The following BLOC1S2 variants were observed in gnomAD, a reference collection of about 807,000 sequenced individuals.
The protein encoded by BLOC1S2 is biogenesis of lysosomal organelles complex 1 subunit 2, also known as biogenesis of lysosome-related organelles complex 1 subunit 2.
A neutral mutation model predicts 19.6 loss-of-function variants in BLOC1S2; 12 were observed. That is an observed-to-expected ratio of 0.61 (90% CI 0.39 to 0.99). The LOEUF is 0.99. Ranked by LOEUF, BLOC1S2 falls within the 50% of genes least tolerant of loss-of-function variation. The pLI, the probability that BLOC1S2 is intolerant of heterozygous loss-of-function variation, is 0.00. For missense variants in BLOC1S2, 142 were observed against 171.0 expected, an observed-to-expected ratio of 0.83 and a Z score of 0.95; for synonymous variants, 66 against 64.1, an observed-to-expected ratio of 1.03 and a Z score of -0.14.
Position 100,275,103 on chromosome 10 carries a change from C to T in BLOC1S2, c.*359G>A, listed in dbSNP as rs911376755. ...TTTACATAGTAACTAAAAAACCAGC[C>T]ACTTAAGAAAATAATGTAGTAATCA... On this transcript the variant is annotated 3_prime_UTR_variant, in exon 5 of 5. Coordinates refer to ENST00000370372, the MANE Select transcript of BLOC1S2 (RefSeq NM_173809.5). 2 of 400,828 alleles carry T rather than the reference C, an allele frequency of 5.0e-6. No individual in the cohort carries two copies. Among genetic ancestry groups the T allele is most frequent in the Non-Finnish European group, 8.8e-6 (2 of 227,222 alleles). 24.8% of individuals were successfully genotyped at this position (400,828 alleles called of 1,614,324 possible).
At chr10:100,279,995 A>G (rs1440899779) in intron 4 of BLOC1S2, 129 bp downstream of exon 4, 1 of 482,664 alleles carries the variant, frequency 2.1e-6, no homozygotes, top group Non-Finnish European at 3.6e-6. Context: ...ATAATAATAA[A>G]TTACTAAGGT....
At chr10:100,279,506 G>A (rs4917895) in intron 4 of BLOC1S2, among the ~76,000 whole-genome samples, 3,824 of 152,156 alleles carry the variant, frequency 0.025, 71 homozygotes, top group Middle Eastern at 0.054. Context: ...AGGCTGAGGC[G>A]GGCGGATCAC....
At position 100,274,825 on chromosome 10, in the gene BLOC1S2, T is replaced by G. The variant is rs1847812262; in HGVS notation, c.*637A>C. ...CAAACTGATCGCATGTCAATGTGAC[T>G]CACATAGAAAATAAACAAGAGGGGC... On this transcript the variant is annotated 3_prime_UTR_variant, in exon 5 of 5. Transcript: ENST00000370372. The G allele has an allele frequency of 1.5e-5, 6 of 396,892 alleles. No homozygotes were observed. Among genetic ancestry groups the G allele is most frequent in the Non-Finnish European group, 2.7e-5 (6 of 225,568 alleles). 24.6% of individuals were successfully genotyped at this position (396,892 alleles called of 1,614,324 possible). A position where few individuals can be genotyped will look rare whatever the true frequency, so the allele number is the denominator to read the frequency against.
At chr10:100,277,347 G>C (rs796287024) in intron 4 of BLOC1S2, among the ~76,000 whole-genome samples, 1 of 142,080 alleles carries the variant, frequency 7.0e-6, no homozygotes, top group Non-Finnish European at 1.6e-5. Context: ...TCAGCCCCCC[G>C]CCCGGCCAGC....
chr10:100,285,995 A>C, intron 2 of BLOC1S2, 102 bp downstream of exon 2: 1 of 1,472,614 alleles, frequency 6.8e-7, no homozygotes, highest in Non-Finnish European at 9.2e-7. Context: ...GGCCTGTCTC[A>C]GGGCATGCAG....
intron 2 of BLOC1S2, among the ~76,000 whole-genome samples, chr10:100,281,746 T>A (rs113761678): frequency 0.047 from 4,542 of 96,204 alleles, 203 homozygotes; most frequent in African/African-American, 0.15. Context: ...ACACACACAC[T>A]ATCAGCTAGG....
Position 100,286,233 on chromosome 10 carries a change from C to CT in BLOC1S2, c.56-21dup. 6.2e-7 allele frequency: 1 copy of CT among 1,612,046 alleles called. No individual in the cohort carries two copies. The highest frequency in any genetic ancestry group is 8.5e-7 in the Non-Finnish European group (1 of 1,178,934). Reference sequence around the variant, plus strand: ...CATCGTCTGGGCCAAGGGAGAATGACTAAGTGTCCCGCCTACACCCGGTGC... The same window carrying CT: ...CATCGTCTGGGCCAAGGGAGAATGACTTAAGTGTCCCGCCTACACCCGGTGC... On this transcript the variant is annotated intron_variant, in intron 1 of 4. Transcript: ENST00000370372.
rs1195018286 is a variant in BLOC1S2 at position 100,280,928 on chromosome 10, A to G, written c.292+6T>C. On this transcript the variant is annotated splice_donor_region_variant and intron_variant, in intron 3 of 4. Transcript: ENST00000370372. ...AACATGTTTAATTACAAATATTATTACTTACATTTCTGGTTTAAGTCCTTT... is the reference window on the plus strand; with the variant it reads ...AACATGTTTAATTACAAATATTATTGCTTACATTTCTGGTTTAAGTCCTTT... The G allele has an allele frequency of 6.2e-7, 1 of 1,606,052 alleles. No individual in the cohort carries two copies. The highest frequency in any genetic ancestry group is 8.5e-7 in the Non-Finnish European group (1 of 1,177,166).
chr10:100,277,276 C>T (rs1246198166), intron 4 of BLOC1S2, among the ~76,000 whole-genome samples: 2 of 150,950 alleles, frequency 1.3e-5, no homozygotes, highest in Non-Finnish European at 3.0e-5. Context: ...GCTGCCACCC[C>T]GTCTGGGAAG....
chr10:100,286,119 A>C lies in BLOC1S2; in HGVS notation c.150T>G (p.Thr50=). ...LCRDMFSKMA[T]YLTGELTATS... ...CACCCGTCAGTTCCCCAGTCAGGTA[A>C]GTGGCCATTTTGGAGAACATGTCCC... is the stretch of plus-strand genomic sequence containing the variant. Residue 50 remains threonine, a synonymous_variant, in exon 2 of 5, where the codon ACT becomes ACG. Coordinates refer to ENST00000370372, the MANE Select transcript of BLOC1S2 (RefSeq NM_173809.5). 6.2e-7 allele frequency: 1 copy of C among 1,614,028 alleles called. No homozygotes were observed. The highest frequency in any genetic ancestry group is 8.5e-7 in the Non-Finnish European group (1 of 1,179,976).
intron 4 of BLOC1S2, among the ~76,000 whole-genome samples, chr10:100,278,294 G>A (rs1388002958): frequency 1.2e-4 from 18 of 151,978 alleles, no homozygotes; most frequent in Middle Eastern, 3.4e-3. Flanking sequence ...GGGAAGTGAG[G>A]AGCCCCTCTG....
At chr10:100,277,405 G>A (rs1847924584) in intron 4 of BLOC1S2, among the ~76,000 whole-genome samples, 1 of 150,070 alleles carries the variant, frequency 6.7e-6, no homozygotes, top group South Asian at 2.1e-4. Context: ...CGCCCCTACT[G>A]GGAAGTGAGG....
Position 100,275,325 on chromosome 10 carries a change from C to G in BLOC1S2, c.*137G>C. Reference sequence around the variant, plus strand: ...GCCACAGTCCTCCAGTTTACTCGAACGTTGAGATGTTCCTGTGATGACCAG... The same window carrying G: ...GCCACAGTCCTCCAGTTTACTCGAAGGTTGAGATGTTCCTGTGATGACCAG... On this transcript the variant is annotated 3_prime_UTR_variant, in exon 5 of 5. Transcript: ENST00000370372. 2.4e-6 allele frequency: 2 copies of G among 847,114 alleles called. No homozygotes were observed. The highest frequency in any genetic ancestry group is 3.7e-6 in the Non-Finnish European group (2 of 545,026). The allele number at this position is 847,114 out of a possible 1,614,324, so 52.5% of individuals were successfully genotyped here. A position where few individuals can be genotyped will look rare whatever the true frequency, so the allele number is the denominator to read the frequency against.
chr10:100,276,322 CCT>C (rs796408865), intron 4 of BLOC1S2, among the ~76,000 whole-genome samples: 1 of 93,076 alleles, frequency 1.1e-5, no homozygotes, highest in African/African-American at 3.9e-5. Flanking sequence ...CTCCCGTCTC[CCT>C]CTCTCTCTCC....
chr10:100,275,213 T>C lies in BLOC1S2; in HGVS notation c.*249A>G. On this transcript the variant is annotated 3_prime_UTR_variant, in exon 5 of 5. Transcript: ENST00000370372. The stretch of plus-strand genomic sequence containing the variant: ...CTGAACTTTGTGAGAGTCTCTGTCC[T>C]GAATATGGCAAAGCATTCAAGTAAA... The C allele has an allele frequency of 2.2e-6, 1 of 447,486 alleles. No homozygotes were observed. Among genetic ancestry groups the C allele is most frequent in the Non-Finnish European group, 4.0e-6 (1 of 251,834 alleles). 27.7% of individuals were successfully genotyped at this position (447,486 alleles called of 1,614,324 possible). A position where few individuals can be genotyped will look rare whatever the true frequency, so the allele number is the denominator to read the frequency against.
chr10:100,275,437 A>C lies in BLOC1S2; in HGVS notation c.*25T>G. 1 of 1,584,830 alleles carries C rather than the reference A, an allele frequency of 6.3e-7. No individual in the cohort carries two copies. The highest frequency in any genetic ancestry group is 1.7e-5 in the Admixed American group (1 of 57,426). On this transcript the variant is annotated 3_prime_UTR_variant, in exon 5 of 5. Coordinates refer to ENST00000370372, the MANE Select transcript of BLOC1S2 (RefSeq NM_173809.5). ...CATTCTTCCACATTAAAAAAAAAAG[A>C]CTCTGTCCCATAGAAATAAGTTTCT...
intron 4 of BLOC1S2, among the ~76,000 whole-genome samples, chr10:100,277,961 A>G (rs1847970684): frequency 1.2e-5 from 1 of 86,954 alleles, no homozygotes; most frequent in Non-Finnish European, 2.3e-5. Context: ...CCTACTGGGA[A>G]GTGAGGAGCC....
In BLOC1S2 at chr10:100,280,178, C is replaced by T; in HGVS notation, c.343G>A (p.Val115Ile). Residue 115 changes from valine to isoleucine, a missense_variant, in exon 4 of 5, where the codon GTA becomes ATA. Around this residue, in one of 2 missense-constraint regions of BLOC1S2, gnomAD observed 94 missense variants for 141.3 expected, o/e 0.67. Transcript: ENST00000370372. ...LDQINVIEEQ[V>I]AALEQAAYKL... ...TAAGCTGCCTGCTCAAGAGCTGCTA[C>T]CTGCTCTTCAATGACATTGATCTGA... 1 of 1,613,186 alleles carries T rather than the reference C, an allele frequency of 6.2e-7. No individual in the cohort carries two copies. Among genetic ancestry groups the T allele is most frequent in the Non-Finnish European group, 8.5e-7 (1 of 1,179,442 alleles).
intron 2 of BLOC1S2, among the ~76,000 whole-genome samples, chr10:100,285,544 C>T (rs1040278201): frequency 6.6e-6 from 1 of 152,208 alleles, no homozygotes; most frequent in Non-Finnish European, 1.5e-5. Flanking sequence ...TGAGCCACCG[C>T]GCCCTGCCCA....
Sources: allele counts gnomAD v4.1 joint callset (sites outside exome capture counted in the v4.1 genomes callset), GRCh38; gene constraint gnomAD v4.1.1; regional missense constraint gnomAD v4.1.1; transcripts MANE v1.5; gene names NCBI Gene and HGNC (gene_info 2026-07-23, HGNC 2026-07-21).